The following NEDD1 variants were observed in gnomAD, a reference collection of about 807,000 sequenced individuals.
The protein encoded by NEDD1 is protein NEDD1.
A neutral mutation model predicts 74.0 loss-of-function variants in NEDD1; 33 were observed. The ratio of observed to expected loss-of-function variants is 0.45; its 90% CI spans 0.34 to 0.60. NEDD1 has a LOEUF of 0.60. NEDD1 is among the 20% of genes least tolerant of loss of function. The probability of loss-of-function intolerance (pLI) is 0.01; values close to 1 mark genes in which losing one functional copy is unlikely to be tolerated. For missense variants in NEDD1, 746 were observed against 776.5 expected (o/e 0.96, Z 0.47); for synonymous variants, 250 against 264.4 (o/e 0.95, Z 0.53).
At chr12:96,923,972 T>G (rs1339088678) in intron 6 of NEDD1, among the ~76,000 whole-genome samples, 1 of 152,200 alleles carries the variant, frequency 6.6e-6, no homozygotes, top group African/African-American at 2.4e-5. Flanking sequence ...CCCCAAGATT[T>G]TGAAGATACT....
Position 96,945,833 on chromosome 12 carries a change from A to T in NEDD1, c.1795A>T (p.Thr599Ser). ...IRFIQNMIQETLDDFREACHR... is the reference protein window; with the variant it reads ...IRFIQNMIQESLDDFREACHR... ...TTTTATTCAGAACATGATACAGGAA[A>T]CGTTGGATGACTTTAGGTAGTAATT... The change falls in exon 14 of 16, where the codon ACG (threonine) becomes TCG (serine). Residue 599 changes from threonine (T) to serine (S), a missense_variant. By Grantham distance (58) the Thr-to-Ser change is moderately conservative (BLOSUM62 1). Transcript: ENST00000266742. The T allele has an allele frequency of 6.2e-7, 1 of 1,610,150 alleles. No individual in the cohort carries two copies. Among genetic ancestry groups the T allele is most frequent in the African/African-American group, 1.3e-5 (1 of 74,954 alleles).
Position 96,935,104 on chromosome 12 carries a change from A to C in NEDD1, c.618A>C (p.Lys206Asn). ...ACCATAACTTTGACAGTGTACACAA[A>C]GCTCCAGCGTCAGGCATCTGTTTTT... ...SPYHNFDSVH[K>N]APASGICFSP... The change falls in exon 7 of 16, where the codon AAA becomes AAC. Residue 206 changes from lysine to asparagine, a missense_variant. Physicochemically the swap from Lys to Asn is moderately conservative, Grantham distance 94. Transcript: ENST00000266742. 6 of 1,613,038 alleles carry C rather than the reference A, an allele frequency of 3.7e-6. No individual in the cohort carries two copies. The highest frequency in any genetic ancestry group is 4.2e-6 in the Non-Finnish European group (5 of 1,178,964).
rs143899807 is a variant in NEDD1, at chr12:96,915,113, A to C, written c.231+2296A>C. The stretch of plus-strand genomic sequence containing the variant: ...CAATTCCTAGAATGGTATCTGCAGG[A>C]GAATTACAGCAACTATACTGAAACA... On this transcript the variant is annotated intron_variant, in intron 4 of 15. Coordinates refer to ENST00000266742, the MANE Select transcript of NEDD1 (RefSeq NM_152905.4). Among the ~76,000 whole-genome samples the C allele has an allele frequency of 2.0e-4, 30 of 152,340 alleles. No homozygotes were observed. In the East Asian group the frequency reaches 4.8e-3, roughly 24 times the overall value.
At chr12:96,916,172 T>C (rs1291822802) in intron 4 of NEDD1, among the ~76,000 whole-genome samples, 4 of 151,818 alleles carry the variant, frequency 2.6e-5, no homozygotes, top group African/African-American at 7.2e-5. Flanking sequence ...TAATAGGACT[T>C]TGAAAGCCAG....
Position 96,907,797 on chromosome 12 carries a change from C to G in NEDD1, c.-68C>G, listed in dbSNP as rs966894923. ...TCCTGACTGCTAGCTTTCGACGGGA[C>G]CGTCTTTGAGGGACTCATGTAAAGT... On this transcript the variant is annotated 5_prime_UTR_variant, in exon 2 of 16. Transcript: ENST00000266742. 9.7e-5 allele frequency: 145 copies of G among 1,492,222 alleles called. 1 individual carries two copies. The highest frequency in any genetic ancestry group is 4.3e-4 in the Admixed American group (20 of 46,288). 92.4% of individuals were successfully genotyped at this position (1,492,222 alleles called of 1,614,324 possible). A position where few individuals can be genotyped will look rare whatever the true frequency, so the allele number is the denominator to read the frequency against.
At chr12:96,940,876 A>G (rs933023225) in intron 10 of NEDD1, among the ~76,000 whole-genome samples, 2 of 152,024 alleles carry the variant, frequency 1.3e-5, no homozygotes, top group African/African-American at 2.4e-5. Flanking sequence ...ATGTTTTGGT[A>G]TGCAAAAAAG....
intron 7 of NEDD1, among the ~76,000 whole-genome samples, chr12:96,936,044 A>G (rs1337452170): frequency 1.3e-5 from 2 of 152,112 alleles, no homozygotes; most frequent in African/African-American, 2.4e-5. Context: ...CTTTTCTACT[A>G]TACACACCAG....
chr12:96,951,360 A>AG, intron 14 of NEDD1, 72 bp from the exon 15 acceptor site: 1 of 796,148 alleles, frequency 1.3e-6, no homozygotes, highest in Non-Finnish European at 2.1e-6. Context: ...GAAAAAGTTT[A>AG]GTGAGTTTCT....
rs532645306 is a variant in NEDD1, at chr12:96,949,246, A to G, written c.1812-2186A>G. Among the ~76,000 whole-genome samples, 135 of 152,298 alleles carry G rather than the reference A, an allele frequency of 8.9e-4. 1 individual carries two copies. The highest frequency in any genetic ancestry group is 2.9e-3 in the African/African-American group (120 of 41,570). ...GGCCCTTCAAGTCCTGGCTACCTCA[A>G]TGGTTCCCTGATACAGTGTTTTTGT... On this transcript the variant is annotated intron_variant, in intron 14 of 15. Coordinates refer to ENST00000266742, the MANE Select transcript of NEDD1 (RefSeq NM_152905.4).
At chr12:96,930,207 ACACACTCT>A (rs1159124300) in intron 6 of NEDD1, among the ~76,000 whole-genome samples, 5 of 91,246 alleles carry the variant, frequency 5.5e-5, no homozygotes, top group African/African-American at 9.9e-5. Context: ...ACACACACAC[ACACACTCT>A]CTCTCTCTCT....
At chr12:96,948,750 G>A (rs1174124339) in intron 14 of NEDD1, among the ~76,000 whole-genome samples, 1 of 152,112 alleles carries the variant, frequency 6.6e-6, no homozygotes, top group African/African-American at 2.4e-5. Context: ...TTTCCAGTTT[G>A]CCTTTATTCC....
At chr12:96,908,816 C>G (rs1873593271) in intron 2 of NEDD1, among the ~76,000 whole-genome samples, 1 of 152,136 alleles carries the variant, frequency 6.6e-6, no homozygotes, top group African/African-American at 2.4e-5. Context: ...TGTTGTGAAA[C>G]TGCTGTGTGC....
chr12:96,949,637 G>A (rs779073710), intron 14 of NEDD1, among the ~76,000 whole-genome samples: 1 of 152,042 alleles, frequency 6.6e-6, no homozygotes, highest in Non-Finnish European at 1.5e-5. Flanking sequence ...GGACTTATTT[G>A]TCAGATGAAT....
intron 8 of NEDD1, 62 bp downstream of exon 8, chr12:96,936,874 AATT>A: frequency 1.0e-6 from 1 of 1,001,276 alleles, no homozygotes; most frequent in Non-Finnish European, 1.5e-6. Context: ...AGAATATGGA[AATT>A]ATATGTGGTC....
intron 6 of NEDD1, among the ~76,000 whole-genome samples, chr12:96,932,442 T>TACAAAAAAAAAAAAAA (rs1876580808): frequency 1.9e-4 from 2 of 10,664 alleles, no homozygotes; most frequent in African/African-American, 1.3e-3. Context: ...TCCTGTCTCT[T>TACAAAAAAAAAAAAAA]AAAAAAAAAA....
intron 2 of NEDD1, among the ~76,000 whole-genome samples, chr12:96,908,057 G>C (rs1873514047): frequency 3.3e-5 from 5 of 152,208 alleles, no homozygotes; most frequent in Admixed American, 3.3e-4. Context: ...GCTTGCAGTT[G>C]TGGTTTACAG....
At chr12:96,912,540 T>C (rs148610093) in intron 3 of NEDD1, 183 bp from the exon 4 acceptor site, 399 of 429,766 alleles carry the variant, frequency 9.3e-4, no homozygotes, top group South Asian at 5.8e-3. Context: ...CCTGCAGTAG[T>C]AGCAAAGAGA....
chr12:96,948,546 T>C (rs561272841), intron 14 of NEDD1, among the ~76,000 whole-genome samples: 3 of 152,288 alleles, frequency 2.0e-5, no homozygotes, highest in Non-Finnish European at 4.4e-5. Flanking sequence ...TAAAATAATA[T>C]GATTTTATAG....
At chr12:96,927,677 A>G (rs1454469237) in intron 6 of NEDD1, among the ~76,000 whole-genome samples, 1 of 152,216 alleles carries the variant, frequency 6.6e-6, no homozygotes, top group African/African-American at 2.4e-5. Flanking sequence ...TTCCTAAATG[A>G]AATGTTTTAT....
Sources: gnomAD v4.1 joint callset for allele counts (sites outside exome capture counted in the v4.1 genomes callset) on GRCh38, gnomAD v4.1.1 for gene constraint, MANE v1.5 for transcripts, NCBI Gene and HGNC (gene_info 2026-07-23, HGNC 2026-07-21) for gene names.